SPIDR: variants seen among roughly 807,000 people sequenced by gnomAD.
SPIDR encodes scaffold protein involved in DNA repair.
Under a neutral mutation model 104.6 loss-of-function variants are expected in SPIDR, and 93 were observed. The ratio of observed to expected loss-of-function variants is 0.89; its 90% CI spans 0.75 to 1.06. The LOEUF (loss-of-function observed/expected upper bound fraction) is 1.06, where lower values mean the gene tolerates loss of function less well. Ranked by LOEUF, SPIDR falls within the 50% of genes least tolerant of loss-of-function variation. The pLI is 0.00. For synonymous variants in SPIDR, 431 were observed against 416.9 expected, an observed-to-expected ratio of 1.03 and a Z score of -0.41; for missense variants, 1,154 against 1,111.2, an observed-to-expected ratio of 1.04 and a Z score of -0.55.
At chr8:47,423,199 G>A (rs552410371) in intron 7 of SPIDR, among the ~76,000 whole-genome samples, 137 of 151,638 alleles carry the variant, frequency 9.0e-4, no homozygotes, top group African/African-American at 3.2e-3. Flanking sequence ...TCGGGAGGCT[G>A]TTACAGGAGA....
intron 5 of SPIDR, among the ~76,000 whole-genome samples, chr8:47,315,073 A>G (rs1215054778): frequency 2.0e-5 from 3 of 152,226 alleles, no homozygotes; most frequent in Admixed American, 1.3e-4. Flanking sequence ...TTAGAAATAC[A>G]TAGTAATCAT....
chr8:47,700,037 T>C (rs1210351106), intron 11 of SPIDR, among the ~76,000 whole-genome samples: 1 of 152,202 alleles, frequency 6.6e-6, no homozygotes, highest in African/African-American at 2.4e-5. Context: ...TAGATACACA[T>C]ACATACACAC....
At chr8:47,349,211 C>T (rs948702128) in intron 5 of SPIDR, among the ~76,000 whole-genome samples, 1 of 152,202 alleles carries the variant, frequency 6.6e-6, no homozygotes, top group African/African-American at 2.4e-5. Flanking sequence ...GGACCCTCAG[C>T]TGCAGGTCTG....
At chr8:47,422,056 A>G (rs557071481) in intron 7 of SPIDR, among the ~76,000 whole-genome samples, 9 of 152,330 alleles carry the variant, frequency 5.9e-5, no homozygotes, top group Middle Eastern at 3.4e-3. Context: ...CTCGGAGGTC[A>G]GGGCCCCACT....
chr8:47,452,074 C>T (rs997154019), intron 8 of SPIDR, among the ~76,000 whole-genome samples: 21 of 152,202 alleles, frequency 1.4e-4, no homozygotes, highest in African/African-American at 4.3e-4. Flanking sequence ...GGCCAATGTA[C>T]TTCAAGCATA....
chr8:47,277,918 C>T (rs2036882133), intron 1 of SPIDR, among the ~76,000 whole-genome samples: 1 of 152,004 alleles, frequency 6.6e-6, no homozygotes, highest in Non-Finnish European at 1.5e-5. Flanking sequence ...TGTGATTCGC[C>T]CGCCTTGGCC....
chr8:47,456,490 A>C (rs1554709909), intron 8 of SPIDR, among the ~76,000 whole-genome samples: 1 of 152,212 alleles, frequency 6.6e-6, no homozygotes, highest in East Asian at 1.9e-4. Context: ...TTTTCTGTTC[A>C]CAATGGAATG....
At chr8:47,409,032 A>G (rs2063146291) in intron 7 of SPIDR, among the ~76,000 whole-genome samples, 1 of 152,112 alleles carries the variant, frequency 6.6e-6, no homozygotes, top group Admixed American at 6.5e-5. Context: ...CTAAAAATAT[A>G]AAAATTAGCT....
At chr8:47,680,074 G>A (rs899435792) in intron 11 of SPIDR, among the ~76,000 whole-genome samples, 13 of 152,182 alleles carry the variant, frequency 8.5e-5, no homozygotes, top group Admixed American at 6.5e-4. Context: ...CGGTGCAGGT[G>A]ACAACCACGC....
intron 5 of SPIDR, among the ~76,000 whole-genome samples, chr8:47,391,911 G>C (rs2060629231): frequency 6.6e-6 from 1 of 151,042 alleles, no homozygotes; most frequent in African/African-American, 2.4e-5. Flanking sequence ...CAGGAGAACG[G>C]CGTGAACCTG....
At position 47,396,379 on chromosome 8, in the gene SPIDR, A is replaced by T. The variant is rs2154311781; in HGVS notation, c.529A>T (p.Ser177Cys). 1 of 1,598,190 alleles carries T rather than the reference A, an allele frequency of 6.3e-7. No homozygotes were observed. Among genetic ancestry groups the T allele is most frequent in the South Asian group, 1.1e-5 (1 of 89,948 alleles). The stretch of plus-strand genomic sequence containing the variant: ...CTTTCTTTTAATTTTTTTTCAGCCA[A>T]GTTCTATAGAAATTTTAGAGTATTC... Reference protein sequence around the residue: ...DEKLSELPKPSSIEILEYSSD... With the variant: ...DEKLSELPKPCSIEILEYSSD... The change falls in exon 6 of 20, where the codon AGT (serine) becomes TGT (cysteine). Residue 177 changes from serine (S) to cysteine (C), a missense_variant. Coordinates refer to ENST00000297423, the MANE Select transcript of SPIDR (RefSeq NM_001080394.4).
chr8:47,663,867 A>G (rs566230319), intron 10 of SPIDR, among the ~76,000 whole-genome samples: 2 of 152,356 alleles, frequency 1.3e-5, no homozygotes, highest in Admixed American at 1.3e-4. Flanking sequence ...CAGAATGAGG[A>G]CACAGTGGAT....
intron 6 of SPIDR, among the ~76,000 whole-genome samples, chr8:47,403,155 C>A (rs1554664583): frequency 2.6e-5 from 4 of 152,104 alleles, no homozygotes; most frequent in Non-Finnish European, 5.9e-5. Flanking sequence ...ATTGCAACAG[C>A]CCTTCATGCT....
At chr8:47,496,924 T>G (rs562948640) in intron 8 of SPIDR, among the ~76,000 whole-genome samples, 1 of 152,214 alleles carries the variant, frequency 6.6e-6, no homozygotes, top group African/African-American at 2.4e-5. Flanking sequence ...CTGTCAGTTT[T>G]GGGAGTTTGT....
chr8:47,428,433 A>G (rs1177369729), intron 7 of SPIDR, among the ~76,000 whole-genome samples: 1 of 152,242 alleles, frequency 6.6e-6, no homozygotes, highest in Admixed American at 6.5e-5. Context: ...TTATTTAATT[A>G]AAAAATAAGT....
chr8:47,311,058 G>A (rs587775366), intron 5 of SPIDR, among the ~76,000 whole-genome samples: 16 of 152,154 alleles, frequency 1.1e-4, no homozygotes, highest in African/African-American at 3.9e-4. Flanking sequence ...TCTTCTTAAG[G>A]TTATATAAAG....
intron 8 of SPIDR, among the ~76,000 whole-genome samples, chr8:47,443,149 T>C (rs1304933472): frequency 3.3e-5 from 5 of 152,178 alleles, no homozygotes; most frequent in Admixed American, 6.6e-5. Flanking sequence ...AAATGAGTTA[T>C]TATCATTAGA....
intron 1 of SPIDR, among the ~76,000 whole-genome samples, chr8:47,269,456 C>T (rs2034808907): frequency 6.6e-6 from 1 of 151,620 alleles, no homozygotes; most frequent in Non-Finnish European, 1.5e-5. Flanking sequence ...CGGGCTTTCA[C>T]CATGTTGGCC....
intron 10 of SPIDR, among the ~76,000 whole-genome samples, chr8:47,667,336 G>T (rs1487475185): frequency 6.7e-6 from 1 of 148,216 alleles, no homozygotes; most frequent in Non-Finnish European, 1.5e-5. Flanking sequence ...AGTGGCTCAT[G>T]TTGATAATCC....
Sources: gnomAD v4.1 joint callset for allele counts (sites outside exome capture counted in the v4.1 genomes callset) on GRCh38, gnomAD v4.1.1 for gene constraint, MANE v1.5 for transcripts, NCBI Gene and HGNC (gene_info 2026-07-23, HGNC 2026-07-21) for gene names.